Variants in P2RY2 observed in about 807,000 individuals in gnomAD.
P2RY2 encodes P2Y purinoceptor 2.
For synonymous variants in P2RY2, 241 were observed against 231.9 expected (o/e 1.04, Z -0.35); for missense variants, 567 against 515.7 (o/e 1.10, Z -0.96).
intron 1 of P2RY2, among the ~76,000 whole-genome samples, chr11:73,225,791 T>A (rs1229056590): frequency 1.3e-5 from 2 of 152,190 alleles, no homozygotes; most frequent in African/African-American, 2.4e-5. Flanking sequence ...AGCAATGATA[T>A]GACCATGGGA....
At chr11:73,230,672 G>T (rs756943023) in intron 2 of P2RY2, among the ~76,000 whole-genome samples, 1 of 152,100 alleles carries the variant, frequency 6.6e-6, no homozygotes, top group Non-Finnish European at 1.5e-5. Flanking sequence ...GGAGACGAGG[G>T]CTATGAATGA....
Position 73,237,808 on chromosome 11 carries a change from C to T in P2RY2, c.*2515C>T, listed in dbSNP as rs1300714533. 2.0e-5 allele frequency among the ~76,000 whole-genome samples: 3 copies of T among 152,164 alleles called. No individual in the cohort carries two copies. Among genetic ancestry groups the T allele is most frequent in the Non-Finnish European group, 4.4e-5 (3 of 68,046 alleles). ...CTTGCCTTGTGGGTGAAGTTCCTGC[C>T]CTGATGCCTCATGCTATTTTCAGCC... On this transcript the variant is annotated 3_prime_UTR_variant, in exon 3 of 3. Transcript: ENST00000393597.
chr11:73,234,921 C>G lies in P2RY2; in HGVS notation c.762C>G (p.Phe254Leu). Reference protein sequence around the residue: ...VRTIAVVLAVFALCFLPFHVT... With the variant: ...VRTIAVVLAVLALCFLPFHVT... ...CCATCGCCGTGGTGCTGGCTGTCTTCGCCCTCTGCTTCCTGCCATTCCACG... is the reference window on the plus strand; with the variant it reads ...CCATCGCCGTGGTGCTGGCTGTCTTGGCCCTCTGCTTCCTGCCATTCCACG... Residue 254 changes from phenylalanine (F) to leucine (L), a missense_variant, in exon 3 of 3, where the codon TTC (phenylalanine) becomes TTG (leucine). Coordinates refer to ENST00000393597, the MANE Select transcript of P2RY2 (RefSeq NM_002564.4). The G allele has an allele frequency of 6.2e-7, 1 of 1,610,960 alleles. No individual in the cohort carries two copies. The highest frequency in any genetic ancestry group is 8.5e-7 in the Non-Finnish European group (1 of 1,179,998).
At chr11:73,230,855 C>T (rs899524313) in intron 2 of P2RY2, among the ~76,000 whole-genome samples, 4 of 128,308 alleles carry the variant, frequency 3.1e-5, no homozygotes, top group Non-Finnish European at 4.7e-5. Context: ...AGGGTAGGAG[C>T]GGCAGGAGGA....
chr11:73,221,800 A>G (rs1218024163), intron 1 of P2RY2, among the ~76,000 whole-genome samples: 2 of 152,184 alleles, frequency 1.3e-5, no homozygotes, highest in Non-Finnish European at 2.9e-5. Flanking sequence ...GGCCAGTTGC[A>G]GGACTAGGCT....
chr11:73,235,745 G>T lies in P2RY2; in HGVS notation c.*452G>T, dbSNP rs188301845. ...CAGGTTGGCCAGAAAACCCTGGTAA[G>T]TAATGAGGGCTGAGTTTGCACAGTG... On this transcript the variant is annotated 3_prime_UTR_variant, in exon 3 of 3. Coordinates refer to ENST00000393597, the MANE Select transcript of P2RY2 (RefSeq NM_002564.4). 3.4e-5 allele frequency: 34 copies of T among 1,005,322 alleles called. No homozygotes were observed. Among genetic ancestry groups the T allele is most frequent in the Non-Finnish European group, 3.8e-5 (32 of 833,754 alleles). 62.3% of individuals were successfully genotyped at this position (1,005,322 alleles called of 1,614,324 possible). A position where few individuals can be genotyped will look rare whatever the true frequency, so the allele number is the denominator to read the frequency against.
chr11:73,232,009 C>T (rs1338717358), intron 2 of P2RY2, among the ~76,000 whole-genome samples: 4 of 152,112 alleles, frequency 2.6e-5, no homozygotes, highest in Non-Finnish European at 4.4e-5. Context: ...GAGATCAGGC[C>T]ATTGTACTCC....
At chr11:73,229,420 G>A (rs530541334) in intron 2 of P2RY2, among the ~76,000 whole-genome samples, 11 of 152,234 alleles carry the variant, frequency 7.2e-5, no homozygotes, top group Admixed American at 3.3e-4. Flanking sequence ...AGGTGGAGCC[G>A]TCTCTAGTCC....
At chr11:73,231,894 A>G (rs1862470766) in intron 2 of P2RY2, among the ~76,000 whole-genome samples, 1 of 152,086 alleles carries the variant, frequency 6.6e-6, no homozygotes, top group Non-Finnish European at 1.5e-5. Context: ...TACTAAAAAT[A>G]TAAAAATTAG....
chr11:73,227,765 C>T (rs527806389), intron 1 of P2RY2, among the ~76,000 whole-genome samples: 6 of 152,082 alleles, frequency 3.9e-5, no homozygotes, highest in Non-Finnish European at 8.8e-5. Flanking sequence ...CTGTGAAAGG[C>T]GGCCTGGGGA....
Position 73,241,768 on chromosome 11 carries a change from C to T in P2RY2, c.*6475C>T, listed in dbSNP as rs1280787343. The T allele has an allele frequency of 6.6e-6, 1 of 152,426 alleles. No individual in the cohort carries two copies. The highest frequency in any genetic ancestry group is 1.5e-5 in the Non-Finnish European group (1 of 68,226). The allele number at this position is 152,426 out of a possible 1,614,324, so 9.4% of individuals were successfully genotyped here. A position where few individuals can be genotyped will look rare whatever the true frequency, so the allele number is the denominator to read the frequency against. On this transcript the variant is annotated 3_prime_UTR_variant, in exon 3 of 3. Transcript: ENST00000393597. ...TGTGTCTTTCCTGGTGATGCTACAG[C>T]CCTCTCTTGCTGACCTTGCTTCCTG... is the stretch of plus-strand genomic sequence containing the variant.
At chr11:73,221,096 G>A (rs942598853) in intron 1 of P2RY2, among the ~76,000 whole-genome samples, 1 of 152,154 alleles carries the variant, frequency 6.6e-6, no homozygotes, top group Non-Finnish European at 1.5e-5. Flanking sequence ...GCTCAGAGGA[G>A]GAATGTGACA....
intron 1 of P2RY2, among the ~76,000 whole-genome samples, chr11:73,226,994 C>G (rs947658632): frequency 3.3e-5 from 5 of 152,028 alleles, no homozygotes; most frequent in Non-Finnish European, 5.9e-5. Flanking sequence ...TTTTGTTACA[C>G]AGGTATACAC....
At chr11:73,233,210 C>A (rs764046779) in intron 2 of P2RY2, among the ~76,000 whole-genome samples, 1 of 152,224 alleles carries the variant, frequency 6.6e-6, no homozygotes, top group South Asian at 2.1e-4. Flanking sequence ...CAGGGGGATT[C>A]CCTGGTAGCC....
At chr11:73,218,821 G>A (rs1862038168) in intron 1 of P2RY2, among the ~76,000 whole-genome samples, 1 of 152,174 alleles carries the variant, frequency 6.6e-6, no homozygotes, top group African/African-American at 2.4e-5. Flanking sequence ...GTGAGGCGGT[G>A]GCCGGTGCCC....
In P2RY2 at chr11:73,220,221, G is replaced by A. The variant is rs150630283; in HGVS notation, c.-200+1789G>A. Among the ~76,000 whole-genome samples the A allele has an allele frequency of 3.7e-4, 56 of 152,324 alleles. 2 individuals carry two copies. The highest frequency in any genetic ancestry group is 2.5e-3 in the Admixed American group (39 of 15,310). Reference sequence around the variant, plus strand: ...GTGGGTGGCACAGTTTGCCAGAACAGTGTGATCTGGGACACTGTAGGACCT... The same window carrying A: ...GTGGGTGGCACAGTTTGCCAGAACAATGTGATCTGGGACACTGTAGGACCT... On this transcript the variant is annotated intron_variant, in intron 1 of 2. Coordinates refer to ENST00000393597, the MANE Select transcript of P2RY2 (RefSeq NM_002564.4).
chr11:73,232,467 A>G (rs1862486968), intron 2 of P2RY2, among the ~76,000 whole-genome samples: 2 of 152,052 alleles, frequency 1.3e-5, no homozygotes, highest in Admixed American at 1.3e-4. Flanking sequence ...GCTGGAGTAC[A>G]GTGGCATGAT....
intron 1 of P2RY2, among the ~76,000 whole-genome samples, chr11:73,224,696 G>A (rs1303591344): frequency 6.6e-6 from 1 of 152,194 alleles, no homozygotes; most frequent in African/African-American, 2.4e-5. Context: ...TTCCCCCTGA[G>A]GATGGCCTTC....
chr11:73,220,530 G>C (rs777715552), intron 1 of P2RY2, among the ~76,000 whole-genome samples: 4 of 152,196 alleles, frequency 2.6e-5, no homozygotes, highest in Non-Finnish European at 5.9e-5. Context: ...GGAATTTGGG[G>C]ACCTGCAATT....
Sources: allele counts gnomAD v4.1 joint callset (sites outside exome capture counted in the v4.1 genomes callset), GRCh38; gene constraint gnomAD v4.1.1; transcripts MANE v1.5; gene names NCBI Gene and HGNC (gene_info 2026-07-23, HGNC 2026-07-21).